RBFOX1: variants seen among roughly 807,000 people sequenced by gnomAD.
The protein encoded by RBFOX1 is RNA binding fox-1 homolog 1, also known as RNA binding protein fox-1 homolog 1.
RBFOX1 carries 8 observed loss-of-function variants against 57.7 expected under a neutral mutation model. That is an observed-to-expected ratio of 0.14 (90% confidence interval 0.08 to 0.25). RBFOX1 has a LOEUF of 0.25. Ranked by LOEUF, RBFOX1 falls within the 10% of genes least tolerant of loss-of-function variation. The pLI is 1.00. For synonymous variants in RBFOX1, 326 were observed against 222.4 expected (o/e 1.47, Z -4.15); for missense variants, 611 against 548.5 (o/e 1.11, Z -1.14).
intron 2 of RBFOX1, among the ~76,000 whole-genome samples, chr16:5,492,567 A>G (rs1254819073): frequency 6.6e-6 from 1 of 152,224 alleles, no homozygotes; most frequent in Non-Finnish European, 1.5e-5. Flanking sequence ...CATTTTAAGC[A>G]GAGGCAGTAC....
chr16:7,229,550 GAGAGGAAGGA>G, intron 4 of RBFOX1, among the ~76,000 whole-genome samples: 1 of 146,952 alleles, frequency 6.8e-6, no homozygotes, highest in Admixed American at 6.8e-5. Context: ...GAAGGAGAGA[GAGAGGAAGGA>G]AGGGAGGGAG....
intron 4 of RBFOX1, among the ~76,000 whole-genome samples, chr16:7,158,915 C>A (rs957667317): frequency 1.3e-5 from 2 of 151,892 alleles, no homozygotes; most frequent in Admixed American, 1.3e-4. Flanking sequence ...ATTTGTATTA[C>A]AAACATTTAT....
intron 14 of RBFOX1, among the ~76,000 whole-genome samples, chr16:7,677,588 C>T (rs983168065): frequency 3.3e-5 from 5 of 152,026 alleles, no homozygotes; most frequent in Admixed American, 1.3e-4. Context: ...AACAGCAAGC[C>T]GTAGCTACTT....
At chr16:5,451,852 C>A (rs759880255) in intron 1 of RBFOX1, among the ~76,000 whole-genome samples, 1 of 152,164 alleles carries the variant, frequency 6.6e-6, no homozygotes, top group Non-Finnish European at 1.5e-5. Flanking sequence ...TGGGCTTAGT[C>A]ATGCCTACAA....
intron 3 of RBFOX1, among the ~76,000 whole-genome samples, chr16:5,682,262 A>G (rs1042218170): frequency 2.0e-5 from 3 of 152,344 alleles, no homozygotes; most frequent in East Asian, 1.9e-4. Context: ...AAGCCTTCCC[A>G]TTGTGGGAGC....
chr16:5,511,172 G>T (rs1227718928), intron 2 of RBFOX1, among the ~76,000 whole-genome samples: 1 of 152,174 alleles, frequency 6.6e-6, no homozygotes, highest in Non-Finnish European at 1.5e-5. Context: ...AGAGTTCTGT[G>T]CAAGAACAGA....
At chr16:6,304,018 A>T (rs992742480) in intron 1 of RBFOX1, among the ~76,000 whole-genome samples, 2 of 150,968 alleles carry the variant, frequency 1.3e-5, no homozygotes, top group African/African-American at 4.9e-5. Context: ...CACCATGTTG[A>T]TCAGGCTCGT....
intron 4 of RBFOX1, among the ~76,000 whole-genome samples, chr16:6,004,567 C>G (rs1047339411): frequency 7.9e-5 from 12 of 152,298 alleles, no homozygotes; most frequent in South Asian, 4.1e-4. Flanking sequence ...GGAATATAAA[C>G]ACAGATTTCT....
Position 7,049,777 on chromosome 16 carries a change from G to C in RBFOX1, c.-15-2280G>C, listed in dbSNP as rs111250588. Among the ~76,000 whole-genome samples the C allele has an allele frequency of 4.7e-3, 716 of 152,246 alleles. 5 individuals carry two copies. Among genetic ancestry groups the C allele is most frequent in the African/African-American group, 0.016 (658 of 41,546 alleles). ...CAGATTTCCTTGCTGCATTCAGTGG[G>C]GGAAACAGGATGAAGTGTTTTCGCT... On this transcript the variant is annotated intron_variant, in intron 3 of 15. Coordinates refer to ENST00000550418, the MANE Select transcript of RBFOX1 (RefSeq NM_018723.4).
intron 15 of RBFOX1, 88 bp from the exon 16 acceptor site, chr16:7,710,535 G>A (rs1220465781): frequency 5.7e-6 from 9 of 1,583,102 alleles, no homozygotes; most frequent in African/African-American, 2.8e-5. Flanking sequence ...GGTTTTGAGT[G>A]TCTATTTTTC....
intron 3 of RBFOX1, among the ~76,000 whole-genome samples, chr16:5,634,367 G>A (rs1290628095): frequency 6.6e-6 from 1 of 152,202 alleles, no homozygotes; most frequent in East Asian, 1.9e-4. Context: ...ATAAAAAGCA[G>A]TGGTCTCAAA....
intron 4 of RBFOX1, among the ~76,000 whole-genome samples, chr16:7,322,122 A>C (rs1159493469): frequency 6.6e-6 from 1 of 152,210 alleles, no homozygotes; most frequent in East Asian, 1.9e-4. Context: ...TGGTCTGATA[A>C]CATATTTTTT....
intron 4 of RBFOX1, among the ~76,000 whole-genome samples, chr16:7,215,418 C>A (rs1166496929): frequency 6.6e-6 from 1 of 152,154 alleles, no homozygotes; most frequent in Non-Finnish European, 1.5e-5. Flanking sequence ...GGAACCAACC[C>A]AAATGTCCAT....
chr16:7,241,707 A>T (rs1182477937), intron 4 of RBFOX1, among the ~76,000 whole-genome samples: 1 of 152,182 alleles, frequency 6.6e-6, no homozygotes, highest in Non-Finnish European at 1.5e-5. Flanking sequence ...AATGTGATAC[A>T]AATGGACAAA....
chr16:7,394,467 C>G (rs980699905), intron 4 of RBFOX1, among the ~76,000 whole-genome samples: 1 of 151,974 alleles, frequency 6.6e-6, no homozygotes, highest in Non-Finnish European at 1.5e-5. Flanking sequence ...TTAAGGAAAC[C>G]TCGAAAGGGT....
intron 2 of RBFOX1, among the ~76,000 whole-genome samples, chr16:6,545,761 G>A (rs997959889): frequency 6.6e-6 from 1 of 152,228 alleles, no homozygotes; most frequent in Non-Finnish European, 1.5e-5. Context: ...ACTTGAGGCT[G>A]ATGGCATCTT....
intron 3 of RBFOX1, among the ~76,000 whole-genome samples, chr16:7,048,642 C>T (rs773457094): frequency 2.0e-5 from 3 of 151,960 alleles, no homozygotes; most frequent in Non-Finnish European, 2.9e-5. Flanking sequence ...TTTTTCTTAC[C>T]GTTTGGAGTC....
intron 5 of RBFOX1, among the ~76,000 whole-genome samples, chr16:7,541,984 T>C (rs1345010105): frequency 6.6e-6 from 1 of 152,188 alleles, no homozygotes; most frequent in Non-Finnish European, 1.5e-5. Context: ...ATTAGAGAGA[T>C]GGCCTTGGCC....
At chr16:5,366,426 C>G (rs982880483) in intron 1 of RBFOX1, 3 of 444,086 alleles carry the variant, frequency 6.8e-6, no homozygotes, top group African/African-American at 6.2e-5. Flanking sequence ...GCACACAAGT[C>G]AAATCAAAAT....
Sources: gnomAD v4.1 joint callset for allele counts (sites outside exome capture counted in the v4.1 genomes callset) on GRCh38, gnomAD v4.1.1 for gene constraint, MANE v1.5 for transcripts, NCBI Gene and HGNC (gene_info 2026-07-23, HGNC 2026-07-21) for gene names.